The following USF3 variants were observed in gnomAD, a reference collection of about 807,000 sequenced individuals.
The protein encoded by USF3 is basic helix-loop-helix domain-containing protein USF3.
USF3 carries 29 observed loss-of-function variants against 157.5 expected under a neutral mutation model. The ratio of observed to expected loss-of-function variants is 0.18; its 90% CI spans 0.14 to 0.25. USF3 has a LOEUF of 0.25. USF3 is among the 10% of genes least tolerant of loss of function. The pLI, the probability that USF3 is intolerant of heterozygous loss-of-function variation, is 1.00. For missense variants in USF3, 2,381 were observed against 2,667.6 expected (o/e 0.89, Z 2.37); for synonymous variants, 893 against 941.4 (o/e 0.95, Z 0.94).
intron 1 of USF3, among the ~76,000 whole-genome samples, chr3:113,680,983 A>AT (rs2107951580): frequency 1.3e-5 from 2 of 151,398 alleles, no homozygotes; most frequent in South Asian, 4.2e-4. Context: ...TCTACTTTTT[A>AT]TTTTTATTTT....
At chr3:113,665,367 C>T (rs751014196) in intron 5 of USF3, among the ~76,000 whole-genome samples, 12 of 152,182 alleles carry the variant, frequency 7.9e-5, no homozygotes, top group Admixed American at 1.3e-4. Flanking sequence ...ACCACAACTA[C>T]GAATTATTCT....
Position 113,659,414 on chromosome 3 carries a change from A to G in USF3, c.2268T>C (p.Thr756=). 1 of 1,614,250 alleles carries G rather than the reference A, an allele frequency of 6.2e-7. No homozygotes were observed. Among genetic ancestry groups the G allele is most frequent in the African/African-American group, 1.3e-5 (1 of 75,078 alleles). Residue 756 remains threonine (T), a synonymous_variant, in exon 7 of 7, where the codon ACT becomes ACC. Coordinates refer to ENST00000316407, the MANE Select transcript of USF3 (RefSeq NM_001009899.4). The part of the protein sequence containing the change: ...TTANCVSLTT[T]AAPPVTTDSS... ...TATCTGTTGTCACAGGAGGTGCTGC[A>G]GTTGTTGTTAATGAAACACAGTTAG...
At chr3:113,670,396 C>T (rs1479839133) in intron 4 of USF3, among the ~76,000 whole-genome samples, 193 bp from the exon 5 acceptor site, 3 of 152,116 alleles carry the variant, frequency 2.0e-5, no homozygotes, top group South Asian at 2.1e-4. Context: ...GTCAGGAGTT[C>T]GAGACCAGCC....
intron 5 of USF3, among the ~76,000 whole-genome samples, chr3:113,667,441 T>G (rs1489692616): frequency 6.6e-6 from 1 of 152,184 alleles, no homozygotes; most frequent in African/African-American, 2.4e-5. Context: ...GAAAGTAAGA[T>G]TTTCCTGGGC....
At chr3:113,695,551 G>A (rs1037931469) in intron 1 of USF3, among the ~76,000 whole-genome samples, 3 of 152,194 alleles carry the variant, frequency 2.0e-5, no homozygotes, top group Non-Finnish European at 2.9e-5. Flanking sequence ...TGATCTGTGT[G>A]GTGTTAGGTT....
At chr3:113,695,490 T>C (rs940359940) in intron 1 of USF3, among the ~76,000 whole-genome samples, 1 of 152,202 alleles carries the variant, frequency 6.6e-6, no homozygotes, top group Non-Finnish European at 1.5e-5. Flanking sequence ...TGTACGTTGT[T>C]TATAGGTAAG....
At position 113,659,943 on chromosome 3, in the gene USF3, A is replaced by G; in HGVS notation, c.1739T>C (p.Ile580Thr). The G allele has an allele frequency of 6.2e-7, 1 of 1,614,178 alleles. No individual in the cohort carries two copies. The highest frequency in any genetic ancestry group is 8.5e-7 in the Non-Finnish European group (1 of 1,180,028). The change falls in exon 7 of 7, where the codon ATA (isoleucine) becomes ACA (threonine). Residue 580 changes from isoleucine to threonine, a missense_variant. Physicochemically the swap from Ile to Thr is moderately conservative, Grantham distance 89. Coordinates refer to ENST00000316407, the MANE Select transcript of USF3 (RefSeq NM_001009899.4). ...EVSNQTVGQQIVIIQAANQNP... is the reference protein window; with the variant it reads ...EVSNQTVGQQTVIIQAANQNP... ...CTGATTAGCAGCCTGTATGATTACT[A>G]TCTGTTGACCTACTGTTTGGTTGGA...
chr3:113,658,733 G>A lies in USF3; in HGVS notation c.2949C>T (p.Cys983=). ...VSEVEIIAEP[C]RVEQDSSDTM... ...TATCTGATGAATCTTGCTCAACTCTGCAAGGTTCAGCAATGATTTCTACCT... is the reference window on the plus strand; with the variant it reads ...TATCTGATGAATCTTGCTCAACTCTACAAGGTTCAGCAATGATTTCTACCT... The change falls in exon 7 of 7, where the codon TGC becomes TGT. Residue 983 remains cysteine, a synonymous_variant. Transcript: ENST00000316407. The A allele has an allele frequency of 6.2e-7, 1 of 1,613,888 alleles. No homozygotes were observed. The highest frequency in any genetic ancestry group is 8.5e-7 in the Non-Finnish European group (1 of 1,179,980).
chr3:113,689,326 T>C (rs565162255), intron 1 of USF3, among the ~76,000 whole-genome samples: 8 of 152,324 alleles, frequency 5.3e-5, no homozygotes, highest in African/African-American at 1.7e-4. Context: ...GCCTGGTACA[T>C]AGCAGGTGCT....
intron 1 of USF3, among the ~76,000 whole-genome samples, chr3:113,686,358 G>T (rs937779752): frequency 6.6e-6 from 1 of 152,216 alleles, no homozygotes; most frequent in Non-Finnish European, 1.5e-5. Context: ...GGGAAGGGGG[G>T]AAGGGTGGTG....
Position 113,659,421 on chromosome 3 carries a change from G to C in USF3, c.2261C>G (p.Thr754Arg). Residue 754 changes from threonine (T) to arginine (R), a missense_variant, in exon 7 of 7, where the codon ACA becomes AGA. Thr to Arg is a moderately conservative substitution (Grantham distance 71). This residue lies in a region of USF3 where 1,435 missense variants were observed against 1,550.9 expected (regional missense o/e 0.93). Transcript: ENST00000316407. ...QTTTANCVSL[T>R]TTAAPPVTTD... ...TGTCACAGGAGGTGCTGCAGTTGTT[G>C]TTAATGAAACACAGTTAGCTGTAGT... 1 of 1,614,240 alleles carries C rather than the reference G, an allele frequency of 6.2e-7. No individual in the cohort carries two copies. Among genetic ancestry groups the C allele is most frequent in the African/African-American group, 1.3e-5 (1 of 75,072 alleles).
At chr3:113,689,798 G>A (rs768413207) in intron 1 of USF3, among the ~76,000 whole-genome samples, 52 of 152,148 alleles carry the variant, frequency 3.4e-4, no homozygotes, top group Non-Finnish European at 6.5e-4. Flanking sequence ...CAGGATTTGA[G>A]GCTGCTGATC....
At position 113,652,114 on chromosome 3, in the gene USF3, T is replaced by A. The variant is rs1017608866; in HGVS notation, c.*2830A>T. 1.7e-3 allele frequency: 120 copies of A among 71,960 alleles called. No individual in the cohort carries two copies. The highest frequency in any genetic ancestry group is 2.6e-3 in the African/African-American group (52 of 19,624). 4.5% of individuals were successfully genotyped at this position (71,960 alleles called of 1,614,324 possible). A position where few individuals can be genotyped will look rare whatever the true frequency, so the allele number is the denominator to read the frequency against. On this transcript the variant is annotated 3_prime_UTR_variant, in exon 7 of 7. Transcript: ENST00000316407. Reference sequence around the variant, plus strand: ...GAGAGAGAGAGAGAGAGAGAGTGTGTGTGTGTGTGTGTGTGTGTGTGTGTG... The same window carrying A: ...GAGAGAGAGAGAGAGAGAGAGTGTGAGTGTGTGTGTGTGTGTGTGTGTGTG...
rs748008424 is a variant in USF3, at chr3:113,656,771, C to A, written c.4911G>T (p.Glu1637Asp). The A allele has an allele frequency of 1.9e-6, 3 of 1,614,226 alleles. No homozygotes were observed. In the East Asian group the frequency reaches 6.7e-5, roughly 36 times the overall value. Residue 1637 changes from glutamate (E) to aspartate (D), a missense_variant, in exon 7 of 7, where the codon GAG (glutamate) becomes GAT (aspartate). Glu to Asp is a conservative substitution (Grantham distance 45). Coordinates refer to ENST00000316407, the MANE Select transcript of USF3 (RefSeq NM_001009899.4). ...MQRLLTSRGLEQQMVSQPSIV... is the reference protein window; with the variant it reads ...MQRLLTSRGLDQQMVSQPSIV... Reference sequence around the variant, plus strand: ...TACTTGGTTGGGACACCATTTGCTGCTCTAAGCCTCTTGATGTCAAAAGCC... The same window carrying A: ...TACTTGGTTGGGACACCATTTGCTGATCTAAGCCTCTTGATGTCAAAAGCC...
In USF3 at chr3:113,661,445, A is replaced by C; in HGVS notation, c.257-20T>G. The C allele has an allele frequency of 7.4e-7, 1 of 1,356,590 alleles. No homozygotes were observed. Among genetic ancestry groups the C allele is most frequent in the Non-Finnish European group, 1.0e-6 (1 of 997,340 alleles). The allele number at this position is 1,356,590 out of a possible 1,614,324, so 84.0% of individuals were successfully genotyped here. A position where few individuals can be genotyped will look rare whatever the true frequency, so the allele number is the denominator to read the frequency against. On this transcript the variant is annotated intron_variant, in intron 6 of 6. Coordinates refer to ENST00000316407, the MANE Select transcript of USF3 (RefSeq NM_001009899.4). ...CTTCAGCTATAATATTAAAAACAAAAATTTATAAATACCTGAGAATGTCAG... is the reference window on the plus strand; with the variant it reads ...CTTCAGCTATAATATTAAAAACAAACATTTATAAATACCTGAGAATGTCAG...
Position 113,655,696 on chromosome 3 carries a change from T to C in USF3, c.5986A>G (p.Asn1996Asp), listed in dbSNP as rs758072293. 5.6e-6 allele frequency: 9 copies of C among 1,613,846 alleles called. No individual in the cohort carries two copies. The highest frequency in any genetic ancestry group is 7.6e-6 in the Non-Finnish European group (9 of 1,179,926). The change falls in exon 7 of 7, where the codon AAT becomes GAT. Residue 1996 changes from asparagine (N) to aspartate (D), a missense_variant. Physicochemically the swap from Asn to Asp is conservative, Grantham distance 23. Transcript: ENST00000316407. The part of the protein sequence containing the change: ...SGSKIRQPER[N>D]RSGNQRQSTV... ...CTTTGCCTTTGGTTTCCAGAACGATTCCTTTCAGGCTGACGAATTTTGGAA... is the reference window on the plus strand; with the variant it reads ...CTTTGCCTTTGGTTTCCAGAACGATCCCTTTCAGGCTGACGAATTTTGGAA...
In USF3 at chr3:113,659,714, C is replaced by T. The variant is rs755282214; in HGVS notation, c.1968G>A (p.Met656Ile). The T allele has an allele frequency of 6.2e-7, 1 of 1,614,214 alleles. No homozygotes were observed. Among genetic ancestry groups the T allele is most frequent in the Non-Finnish European group, 8.5e-7 (1 of 1,180,044 alleles). The change falls in exon 7 of 7, where the codon ATG becomes ATA. Residue 656 changes from methionine to isoleucine, a missense_variant. Around this residue, in one of 6 missense-constraint regions of USF3, gnomAD observed 1,435 missense variants for 1,550.9 expected, o/e 0.93. Coordinates refer to ENST00000316407, the MANE Select transcript of USF3 (RefSeq NM_001009899.4). The part of the protein sequence containing the change: ...SNSTQTFSVT[M>I]SNQQPQTISL... ...AAATGGTTTGAGGCTGTTGGTTTGA[C>T]ATGGTAACAGAAAAAGTTTGTGTTG...
chr3:113,665,934 C>T (rs944149592), intron 5 of USF3, among the ~76,000 whole-genome samples: 8 of 152,126 alleles, frequency 5.3e-5, no homozygotes, highest in Admixed American at 1.3e-4. Flanking sequence ...CCTGTAATCC[C>T]AGCACTTTGG....
At chr3:113,686,433 C>G (rs1324928669) in intron 1 of USF3, among the ~76,000 whole-genome samples, 1 of 152,198 alleles carries the variant, frequency 6.6e-6, no homozygotes, top group African/African-American at 2.4e-5. Flanking sequence ...GATGCTAAAA[C>G]TAGGTACTGT....
Sources: gnomAD v4.1 joint callset for allele counts (sites outside exome capture counted in the v4.1 genomes callset) on GRCh38, gnomAD v4.1.1 for gene constraint, gnomAD v4.1.1 regional missense constraint, MANE v1.5 for transcripts, NCBI Gene and HGNC (gene_info 2026-07-23, HGNC 2026-07-21) for gene names.